SYN2: variants seen among roughly 807,000 people sequenced by gnomAD.
The protein encoded by SYN2 is synapsin II, also known as synapsin-2.
In SYN2, 19 loss-of-function variants were observed where a neutral mutation model predicts 50.9. The ratio of observed to expected loss-of-function variants is 0.37; its 90% CI spans 0.26 to 0.55. The LOEUF (loss-of-function observed/expected upper bound fraction) is 0.55, where lower values mean the gene tolerates loss of function less well. Ranked by LOEUF, SYN2 falls within the 20% of genes least tolerant of loss-of-function variation. The pLI is 0.81. For synonymous variants in SYN2, 255 were observed against 224.9 expected (o/e 1.13, Z -1.20); for missense variants, 587 against 576.4 (o/e 1.02, Z -0.19).
intron 1 of SYN2, among the ~76,000 whole-genome samples, chr3:12,030,584 A>G (rs1324452084): frequency 6.6e-6 from 1 of 151,286 alleles, no homozygotes; most frequent in Admixed American, 6.6e-5. Context: ...CAGAGATTCA[A>G]CTTCTTCCTG....
chr3:12,052,760 A>G (rs1694895415), intron 1 of SYN2, among the ~76,000 whole-genome samples: 1 of 152,172 alleles, frequency 6.6e-6, no homozygotes, highest in Non-Finnish European at 1.5e-5. Flanking sequence ...CTTTCTTTCC[A>G]GAAAGAGAAA....
intron 1 of SYN2, among the ~76,000 whole-genome samples, chr3:12,053,239 G>A (rs1215172722): frequency 1.3e-5 from 2 of 151,540 alleles, no homozygotes; most frequent in African/African-American, 4.8e-5. Flanking sequence ...TCACCAACAT[G>A]GTGAAACCCC....
chr3:12,081,171 G>A (rs1695581727), intron 1 of SYN2, among the ~76,000 whole-genome samples: 1 of 152,126 alleles, frequency 6.6e-6, no homozygotes, highest in Admixed American at 6.6e-5. Flanking sequence ...CATGAAAAAT[G>A]CTCATTGAAT....
At chr3:12,129,018 T>C (rs2125207792) in intron 1 of SYN2, among the ~76,000 whole-genome samples, 1 of 151,988 alleles carries the variant, frequency 6.6e-6, no homozygotes, top group East Asian at 1.9e-4. Flanking sequence ...TAATAAGTAG[T>C]TGAAAAAATT....
intron 1 of SYN2, among the ~76,000 whole-genome samples, chr3:12,020,741 C>T (rs559080739): frequency 6.6e-6 from 1 of 152,174 alleles, no homozygotes; most frequent in East Asian, 1.9e-4. Context: ...TTTGAGGTTT[C>T]CCATGTACTT....
In SYN2 at chr3:12,169,855, C is replaced by G; in HGVS notation, c.1257C>G (p.Ser419=). Residue 419 remains serine, a synonymous_variant, in exon 10 of 13, where the codon TCC becomes TCG. Coordinates refer to ENST00000621198, the MANE Select transcript of SYN2 (RefSeq NM_133625.6). ...TCAGCAAGATGAACCAGCTGCTGTC[C>G]AGGACTCCTGCCCTGTCTCCTCAGA... ...LVISKMNQLL[S]RTPALSPQRP... 6.2e-7 allele frequency: 1 copy of G among 1,613,462 alleles called. No homozygotes were observed. Among genetic ancestry groups the G allele is most frequent in the Non-Finnish European group, 8.5e-7 (1 of 1,179,672 alleles).
Position 12,169,875 on chromosome 3 carries a change from C to T in SYN2, c.1277C>T (p.Pro426Leu), listed in dbSNP as rs754253692. Residue 426 changes from proline to leucine, a missense_variant, in exon 10 of 13, where the codon CCT becomes CTT. By Grantham distance (98) the Pro-to-Leu change is moderately conservative (BLOSUM62 -3). Coordinates refer to ENST00000621198, the MANE Select transcript of SYN2 (RefSeq NM_133625.6). ...CTGTCCAGGACTCCTGCCCTGTCTCCTCAGAGACCCCTAACAACCCAGCAG... is the reference window on the plus strand; with the variant it reads ...CTGTCCAGGACTCCTGCCCTGTCTCTTCAGAGACCCCTAACAACCCAGCAG... ...QLLSRTPALS[P>L]QRPLTTQQPQ... 1.2e-6 allele frequency: 2 copies of T among 1,612,192 alleles called. No homozygotes were observed. Among genetic ancestry groups the T allele is most frequent in the South Asian group, 1.1e-5 (1 of 90,688 alleles).
At chr3:12,173,562 C>G (rs1017088866) in intron 10 of SYN2, among the ~76,000 whole-genome samples, 1 of 152,146 alleles carries the variant, frequency 6.6e-6, no homozygotes, top group African/African-American at 2.4e-5. Context: ...CATTTTCTCT[C>G]CTATCCTCTC....
At chr3:12,030,230 A>C (rs907486905) in intron 1 of SYN2, among the ~76,000 whole-genome samples, 2 of 121,442 alleles carry the variant, frequency 1.6e-5, no homozygotes, top group African/African-American at 5.8e-5. Context: ...GATGAAGCCC[A>C]CTTGATCATG....
At chr3:12,085,854 C>G (rs549475241) in intron 1 of SYN2, among the ~76,000 whole-genome samples, 1 of 151,862 alleles carries the variant, frequency 6.6e-6, no homozygotes, top group African/African-American at 2.4e-5. Flanking sequence ...AGAAAAAGAA[C>G]AGAGTAATCC....
At chr3:12,007,232 C>G (rs985545041) in intron 1 of SYN2, among the ~76,000 whole-genome samples, 1 of 152,180 alleles carries the variant, frequency 6.6e-6, no homozygotes, top group African/African-American at 2.4e-5. Flanking sequence ...AAGCCACTTT[C>G]CCGTGGGCTG....
chr3:12,075,622 C>T (rs1485633912), intron 1 of SYN2, among the ~76,000 whole-genome samples: 3 of 151,966 alleles, frequency 2.0e-5, no homozygotes, highest in African/African-American at 7.2e-5. Context: ...ATTAAATCTT[C>T]AGGGTCATTA....
intron 1 of SYN2, among the ~76,000 whole-genome samples, chr3:12,039,547 AGATTT>A (rs1694566906): frequency 1.0e-5 from 1 of 97,118 alleles, no homozygotes; most frequent in Admixed American, 1.5e-4. Context: ...AAAGAAGCAA[AGATTT>A]TTTTTTTTTT....
intron 1 of SYN2, among the ~76,000 whole-genome samples, chr3:12,082,360 T>TA (rs1317600996): frequency 6.6e-6 from 1 of 152,206 alleles, no homozygotes; most frequent in African/African-American, 2.4e-5. Flanking sequence ...GTATTCAGCA[T>TA]AAAGCACATT....
At chr3:12,038,326 G>A (rs1028225058) in intron 1 of SYN2, among the ~76,000 whole-genome samples, 6 of 152,008 alleles carry the variant, frequency 3.9e-5, no homozygotes, top group Non-Finnish European at 5.9e-5. Flanking sequence ...CTGTAGCTTT[G>A]TAGCAAGTTT....
intron 5 of SYN2, chr3:12,154,421 A>T (rs1045118461): frequency 1.2e-6 from 2 of 1,614,004 alleles, no homozygotes; most frequent in Non-Finnish European, 1.7e-6. Flanking sequence ...GCACAGATGG[A>T]TGAAGACTTT....
chr3:12,044,694 G>T (rs1294679752), intron 1 of SYN2, among the ~76,000 whole-genome samples: 1 of 152,120 alleles, frequency 6.6e-6, no homozygotes, highest in Non-Finnish European at 1.5e-5. Flanking sequence ...AGTCTACATG[G>T]TAAGTCTACA....
intron 1 of SYN2, among the ~76,000 whole-genome samples, chr3:12,042,043 G>A (rs542798596): frequency 5.3e-5 from 8 of 152,264 alleles, no homozygotes; most frequent in African/African-American, 1.7e-4. Context: ...AAATAATTTA[G>A]TGACAAGTTG....
At chr3:12,137,357 A>G (rs772165792) in intron 1 of SYN2, among the ~76,000 whole-genome samples, 7 of 152,060 alleles carry the variant, frequency 4.6e-5, no homozygotes, top group African/African-American at 7.2e-5. Flanking sequence ...AGACTTTCAA[A>G]TGCTGGTAAG....
Sources: gnomAD v4.1 joint callset for allele counts (sites outside exome capture counted in the v4.1 genomes callset) on GRCh38, gnomAD v4.1.1 for gene constraint, MANE v1.5 for transcripts, NCBI Gene and HGNC (gene_info 2026-07-23, HGNC 2026-07-21) for gene names.